Variants in CLPB observed in about 807,000 individuals in gnomAD.
The protein encoded by CLPB is mitochondrial disaggregase.
In CLPB, 40 loss-of-function variants were observed where a neutral mutation model predicts 78.4. That is an observed-to-expected ratio of 0.51 (90% confidence interval 0.40 to 0.66). The LOEUF is 0.66. Among genes scored for constraint, CLPB ranks in the 30% least tolerant of loss-of-function variants. The pLI is 0.00. For synonymous variants in CLPB, 333 were observed against 348.0 expected (o/e 0.96, Z 0.48); for missense variants, 780 against 886.9 (o/e 0.88, Z 1.53).
chr11:72,430,519 C>T, intron 1 of CLPB, 156 bp from the exon 2 acceptor site: 1 of 624,460 alleles, frequency 1.6e-6, no homozygotes, highest in Admixed American at 2.9e-5. Context: ...GAATCATTCC[C>T]TCCCCACATG....
intron 9 of CLPB, among the ~76,000 whole-genome samples, chr11:72,306,176 A>AG (rs1193964516): frequency 6.6e-6 from 1 of 152,230 alleles, no homozygotes; most frequent in African/African-American, 2.4e-5. Context: ...TGGCAGAGCT[A>AG]GGGGGAGTTT....
At position 72,317,227 on chromosome 11, in the gene CLPB, G is replaced by A; in HGVS notation, c.874-7C>T. 1 of 1,600,882 alleles carries A rather than the reference G, an allele frequency of 6.2e-7. No homozygotes were observed. The highest frequency in any genetic ancestry group is 8.5e-7 in the Non-Finnish European group (1 of 1,173,492). ...TCCGCTGCTTCTCTTGGTACTGTGGGGAGAGAGGGCAAATGGTTGAGGGCT... is the reference window on the plus strand; with the variant it reads ...TCCGCTGCTTCTCTTGGTACTGTGGAGAGAGAGGGCAAATGGTTGAGGGCT... On this transcript the variant is annotated splice_polypyrimidine_tract_variant and splice_region_variant and intron_variant, in intron 6 of 15. Coordinates refer to ENST00000538039, the MANE Select transcript of CLPB (RefSeq NM_001258392.3).
At chr11:72,415,450 T>C (rs1429465018) in intron 2 of CLPB, among the ~76,000 whole-genome samples, 1 of 152,154 alleles carries the variant, frequency 6.6e-6, no homozygotes, top group Admixed American at 6.5e-5. Context: ...TACTTTCTGT[T>C]TAGTCCTGAA....
chr11:72,387,388 G>C (rs924681579), intron 3 of CLPB, among the ~76,000 whole-genome samples: 1 of 152,174 alleles, frequency 6.6e-6, no homozygotes, highest in Non-Finnish European at 1.5e-5. Flanking sequence ...ATGAATGTTA[G>C]TTATTATTAC....
intron 4 of CLPB, among the ~76,000 whole-genome samples, chr11:72,372,132 CAGTT>C (rs1482808502): frequency 4.6e-5 from 7 of 152,194 alleles, no homozygotes; most frequent in Admixed American, 3.3e-4. Flanking sequence ...CAAGGTCACA[CAGTT>C]AGGTAATGGC....
At chr11:72,416,299 A>C (rs1386476394) in intron 2 of CLPB, among the ~76,000 whole-genome samples, 3 of 152,216 alleles carry the variant, frequency 2.0e-5, no homozygotes, top group Non-Finnish European at 4.4e-5. Flanking sequence ...CTTGCCTGTG[A>C]AGCCCTAACT....
chr11:72,308,803 T>G (rs1039127749), intron 7 of CLPB, among the ~76,000 whole-genome samples, 199 bp from the exon 8 acceptor site: 1 of 152,212 alleles, frequency 6.6e-6, no homozygotes, highest in African/African-American at 2.4e-5. Context: ...AGCATGGATT[T>G]GGAAAGCTGC....
rs139969189 is a variant in CLPB at position 72,295,523 on chromosome 11, C to A, written c.1455G>T (p.Glu485Asp). Residue 485 changes from glutamate to aspartate, a missense_variant, in exon 12 of 16, where the codon GAG (glutamate) becomes GAT (aspartate). Glu to Asp is a conservative substitution (Grantham distance 45). Coordinates refer to ENST00000538039, the MANE Select transcript of CLPB (RefSeq NM_001258392.3). The stretch of plus-strand genomic sequence containing the variant: ...TTTCGGCAATACGGTTACGGCTCAT[C>A]TCCAAAGCTTCCTGCCTCAGCTGCA... ...HALQLRQEAL[E>D]MSRNRIAENL... is the part of the protein sequence containing the mutation. The A allele has an allele frequency of 2.5e-6, 4 of 1,614,070 alleles. No individual in the cohort carries two copies. The African/African-American group carries it at 5.3e-5, about 22-fold the overall frequency.
At chr11:72,434,042 C>T (rs370389638) in intron 1 of CLPB, 30 bp downstream of exon 1, 58 of 1,601,370 alleles carry the variant, frequency 3.6e-5, no homozygotes, top group Non-Finnish European at 4.4e-5. Context: ...TCCCGCCTCT[C>T]CCTTCCTCAA....
At chr11:72,372,960 A>T (rs1330230090) in intron 4 of CLPB, 1 of 1,614,148 alleles carries the variant, frequency 6.2e-7, no homozygotes, top group East Asian at 2.2e-5. Context: ...CCTGAACTCC[A>T]GGGCACTTGT....
At chr11:72,406,688 T>C (rs1855719196) in intron 2 of CLPB, among the ~76,000 whole-genome samples, 1 of 152,222 alleles carries the variant, frequency 6.6e-6, no homozygotes, top group Non-Finnish European at 1.5e-5. Context: ...CAGGATGACC[T>C]GGATAATTCA....
chr11:72,346,175 T>A (rs1447667841), intron 5 of CLPB, among the ~76,000 whole-genome samples: 1 of 152,132 alleles, frequency 6.6e-6, no homozygotes, highest in East Asian at 1.9e-4. Context: ...CAGTCCCAGC[T>A]ACACGGGAGG....
intron 2 of CLPB, chr11:72,408,259 G>T: frequency 8.2e-7 from 1 of 1,223,550 alleles, no homozygotes; most frequent in Non-Finnish European, 1.2e-6. Context: ...CTGGAGTTCA[G>T]ATTCTAGCTC....
At chr11:72,327,486 T>A (rs1342505976) in intron 6 of CLPB, among the ~76,000 whole-genome samples, 1 of 152,224 alleles carries the variant, frequency 6.6e-6, no homozygotes, top group Non-Finnish European at 1.5e-5. Context: ...CCTGTAATAA[T>A]GTGGCCAACT....
chr11:72,328,265 CAG>C (rs1950163736), intron 6 of CLPB, among the ~76,000 whole-genome samples: 1 of 152,170 alleles, frequency 6.6e-6, no homozygotes, highest in East Asian at 1.9e-4. Flanking sequence ...CTAGGATGAA[CAG>C]AGTCTGCCCC....
At chr11:72,380,244 G>A (rs1157725027) in intron 4 of CLPB, 37 bp downstream of exon 4, 1 of 1,488,864 alleles carries the variant, frequency 6.7e-7, no homozygotes, top group East Asian at 2.3e-5. Context: ...AGCCACAAGA[G>A]GAGAGCTCTC....
intron 2 of CLPB, among the ~76,000 whole-genome samples, chr11:72,427,671 C>T (rs2135158827): frequency 6.6e-6 from 1 of 152,280 alleles, no homozygotes; most frequent in African/African-American, 2.4e-5. Context: ...GATTCCTAGC[C>T]TAGGAGCAAC....
chr11:72,320,483 ACC>A (rs1950025090), intron 6 of CLPB, among the ~76,000 whole-genome samples: 2 of 152,098 alleles, frequency 1.3e-5, no homozygotes, highest in African/African-American at 4.8e-5. Context: ...AAAGATTCAA[ACC>A]ATGGCCTAAA....
intron 5 of CLPB, among the ~76,000 whole-genome samples, chr11:72,331,423 A>G (rs1477543903): frequency 6.6e-6 from 1 of 151,498 alleles, no homozygotes; most frequent in East Asian, 2.0e-4. Context: ...AAAAAATTTT[A>G]AGAGACAGGG....
Sources: gnomAD v4.1 joint callset for allele counts (sites outside exome capture counted in the v4.1 genomes callset) on GRCh38, gnomAD v4.1.1 for gene constraint, MANE v1.5 for transcripts, NCBI Gene and HGNC (gene_info 2026-07-23, HGNC 2026-07-21) for gene names.